Variants in B3GLCT observed in about 807,000 individuals in gnomAD.
B3GLCT encodes beta 3-glucosyltransferase.
In B3GLCT, 65 loss-of-function variants were observed where a neutral mutation model predicts 63.4. The observed-to-expected ratio is 1.03, with a 90% CI of 0.84 to 1.26. The LOEUF is 1.26. B3GLCT is among the 50% of genes most tolerant of loss of function. B3GLCT has a pLI of 0.00. For synonymous variants in B3GLCT, 233 were observed against 219.2 expected, an observed-to-expected ratio of 1.06 and a Z score of -0.55; for missense variants, 577 against 604.8, an observed-to-expected ratio of 0.95 and a Z score of 0.48.
At position 31,291,147 on chromosome 13, in the gene B3GLCT, G is replaced by T. The variant is rs143093096; in HGVS notation, c.1064+4328G>T. ...TCGTCAGGTTTGTCAAAGATCTGAT[G>T]GTTGTAGATGTGTGGCATTATTTCT... On this transcript the variant is annotated intron_variant, in intron 12 of 14. Transcript: ENST00000343307. 2.4e-4 allele frequency among the ~76,000 whole-genome samples: 36 copies of T among 152,276 alleles called. No individual in the cohort carries two copies. The East Asian group carries it at 6.2e-3, about 26-fold the overall frequency.
intron 12 of B3GLCT, 92 bp from the exon 13 acceptor site, chr13:31,317,474 C>T: frequency 7.1e-7 from 1 of 1,417,692 alleles, no homozygotes; most frequent in East Asian, 2.3e-5. Context: ...TAGTATTACA[C>T]AGTATACAGA....
At chr13:31,207,164 C>T (rs1243658208) in intron 1 of B3GLCT, among the ~76,000 whole-genome samples, 1 of 152,114 alleles carries the variant, frequency 6.6e-6, no homozygotes, top group Non-Finnish European at 1.5e-5. Context: ...CTTTTAAAGA[C>T]CTACTTCTTG....
intron 6 of B3GLCT, among the ~76,000 whole-genome samples, chr13:31,248,799 C>T (rs897966548): frequency 1.3e-5 from 2 of 152,182 alleles, no homozygotes; most frequent in Non-Finnish European, 2.9e-5. Context: ...GAGTGTTTAA[C>T]ACTTAGTAGG....
At chr13:31,293,106 T>G (rs962949802) in intron 12 of B3GLCT, among the ~76,000 whole-genome samples, 2 of 152,166 alleles carry the variant, frequency 1.3e-5, no homozygotes, top group African/African-American at 2.4e-5. Flanking sequence ...CCATGCAGTT[T>G]TGCGGTTTTG....
Position 31,286,771 on chromosome 13 carries a change from A to G in B3GLCT, c.1016A>G (p.Gln339Arg), listed in dbSNP as rs1343016404. ...AILERFLNRS[Q>R]DKTAWLVIVD... is the part of the protein sequence containing the mutation. ...TTGGAAAGATTTCTGAATCGTAGCC[A>G]GGACAAAACAGCATGGTTAGTCATT... Residue 339 changes from glutamine (Q) to arginine (R), a missense_variant, in exon 12 of 15, where the codon CAG becomes CGG. Transcript: ENST00000343307. The G allele has an allele frequency of 6.2e-7, 1 of 1,613,636 alleles. No homozygotes were observed. The highest frequency in any genetic ancestry group is 2.2e-5 in the East Asian group (1 of 44,854).
At chr13:31,209,046 A>G (rs1305507546) in intron 1 of B3GLCT, among the ~76,000 whole-genome samples, 2 of 152,112 alleles carry the variant, frequency 1.3e-5, no homozygotes, top group Non-Finnish European at 2.9e-5. Context: ...TGACCCTGCC[A>G]TTGGCCTGCC....
chr13:31,226,573 C>T (rs1020807605), intron 3 of B3GLCT, among the ~76,000 whole-genome samples: 2 of 151,954 alleles, frequency 1.3e-5, no homozygotes, highest in African/African-American at 4.8e-5. Flanking sequence ...CTGTGATGAG[C>T]GGTGAGCGCA....
At chr13:31,320,815 G>A (rs548586889) in intron 13 of B3GLCT, among the ~76,000 whole-genome samples, 9 of 152,052 alleles carry the variant, frequency 5.9e-5, no homozygotes, top group Admixed American at 3.3e-4. Context: ...CCCAAGATAC[G>A]ACATTCGCTG....
intron 1 of B3GLCT, among the ~76,000 whole-genome samples, chr13:31,211,065 C>T (rs961592477): frequency 6.6e-6 from 1 of 152,102 alleles, no homozygotes; most frequent in Non-Finnish European, 1.5e-5. Context: ...TTGATGATTT[C>T]TTTTGATTTA....
At chr13:31,291,694 T>C (rs895645112) in intron 12 of B3GLCT, among the ~76,000 whole-genome samples, 1 of 152,242 alleles carries the variant, frequency 6.6e-6, no homozygotes, top group African/African-American at 2.4e-5. Flanking sequence ...TGAAGTTGCT[T>C]ATCAGCTTAA....
At chr13:31,319,238 A>G (rs1566097570) in intron 13 of B3GLCT, among the ~76,000 whole-genome samples, 1 of 152,038 alleles carries the variant, frequency 6.6e-6, no homozygotes, top group African/African-American at 2.4e-5. Flanking sequence ...CTCAGCGTCT[A>G]CCCTGCCCCT....
chr13:31,225,131 C>G (rs1332577215), intron 3 of B3GLCT, among the ~76,000 whole-genome samples: 1 of 152,208 alleles, frequency 6.6e-6, no homozygotes. Flanking sequence ...GCCTGTCACT[C>G]TGATTATTAT....
intron 1 of B3GLCT, among the ~76,000 whole-genome samples, chr13:31,202,747 G>A (rs1438054304): frequency 6.6e-6 from 1 of 152,142 alleles, no homozygotes; most frequent in Non-Finnish European, 1.5e-5. Flanking sequence ...TTTGCTCTGT[G>A]TTATCCTCCT....
intron 4 of B3GLCT, among the ~76,000 whole-genome samples, chr13:31,229,520 C>T (rs920640943): frequency 2.0e-5 from 3 of 152,038 alleles, no homozygotes; most frequent in Non-Finnish European, 2.9e-5. Context: ...CCAAGGTGGG[C>T]GGATCCCTTG....
chr13:31,317,517 C>G lies in B3GLCT; in HGVS notation c.1065-49C>G, dbSNP rs374707078. On this transcript the variant is annotated intron_variant, in intron 12 of 14. Coordinates refer to ENST00000343307, the MANE Select transcript of B3GLCT (RefSeq NM_194318.4). ...GTAAGAACCATAAACTGTTCCATAA[C>G]CACGTTTGAATCAAATAATCATGAT... 8.7e-6 allele frequency: 14 copies of G among 1,610,532 alleles called. No individual in the cohort carries two copies. In the Admixed American group the frequency reaches 2.3e-4, roughly 27 times the overall value.
At chr13:31,232,469 A>T (rs965945073) in intron 4 of B3GLCT, among the ~76,000 whole-genome samples, 1 of 152,144 alleles carries the variant, frequency 6.6e-6, no homozygotes, top group Non-Finnish European at 1.5e-5. Flanking sequence ...ACATCTCTCA[A>T]TAACTCACTC....
chr13:31,266,121 C>A (rs1208082163), intron 7 of B3GLCT, among the ~76,000 whole-genome samples: 1 of 152,118 alleles, frequency 6.6e-6, no homozygotes, highest in Non-Finnish European at 1.5e-5. Context: ...CCTCAGCCTC[C>A]CGAGTAGCTG....
At chr13:31,272,734 C>G (rs1418828581) in intron 8 of B3GLCT, among the ~76,000 whole-genome samples, 1 of 152,186 alleles carries the variant, frequency 6.6e-6, no homozygotes, top group Non-Finnish European at 1.5e-5. Context: ...CCACTCCCAA[C>G]TTACATGCAC....
At chr13:31,238,301 A>C (rs910035164) in intron 4 of B3GLCT, among the ~76,000 whole-genome samples, 1 of 152,222 alleles carries the variant, frequency 6.6e-6, no homozygotes, top group South Asian at 2.1e-4. Context: ...TTTTTATCTG[A>C]CATTTAATAC....
Sources: gnomAD v4.1 joint callset for allele counts (sites outside exome capture counted in the v4.1 genomes callset) on GRCh38, gnomAD v4.1.1 for gene constraint, MANE v1.5 for transcripts, NCBI Gene and HGNC (gene_info 2026-07-23, HGNC 2026-07-21) for gene names.